The following PTPN4 variants were observed in gnomAD, a reference collection of about 807,000 sequenced individuals.
The protein encoded by PTPN4 is tyrosine-protein phosphatase non-receptor type 4.
In PTPN4, 49 loss-of-function variants were observed where a neutral mutation model predicts 135.5. That is an observed-to-expected ratio of 0.36 (90% confidence interval 0.29 to 0.46). The LOEUF is 0.46. Ranked by LOEUF, PTPN4 falls within the 20% of genes least tolerant of loss-of-function variation. The probability of loss-of-function intolerance (pLI) is 1.00; values close to 1 mark genes in which losing one functional copy is unlikely to be tolerated. For missense variants in PTPN4, 860 were observed against 1,101.0 expected, an observed-to-expected ratio of 0.78 and a Z score of 3.10; for synonymous variants, 333 against 369.9, an observed-to-expected ratio of 0.90 and a Z score of 1.14.
intron 24 of PTPN4, among the ~76,000 whole-genome samples, chr2:119,963,368 G>A (rs1679396809): frequency 6.6e-6 from 1 of 152,192 alleles, no homozygotes; most frequent in Admixed American, 6.5e-5. Context: ...TGCCAGTTCT[G>A]TCAGGCTGCT....
chr2:119,831,811 G>T (rs1417224890), intron 2 of PTPN4, among the ~76,000 whole-genome samples: 1 of 152,046 alleles, frequency 6.6e-6, no homozygotes, highest in Non-Finnish European at 1.5e-5. Flanking sequence ...CAATATTTGA[G>T]TCCTGGTTGA....
intron 14 of PTPN4, 144 bp downstream of exon 14, chr2:119,932,693 A>G (rs1298029418): frequency 1.0e-6 from 1 of 998,424 alleles, no homozygotes; most frequent in African/African-American, 1.6e-5. Flanking sequence ...CCAGAGCATT[A>G]TTTTCTCTTT....
chr2:119,887,144 A>G (rs535252961), intron 9 of PTPN4, among the ~76,000 whole-genome samples: 1 of 152,272 alleles, frequency 6.6e-6, no homozygotes, highest in Admixed American at 6.5e-5. Context: ...TTTTATTATA[A>G]TAAAGTTTAA....
chr2:119,935,712 A>G (rs1158742473), intron 15 of PTPN4, among the ~76,000 whole-genome samples: 1 of 152,210 alleles, frequency 6.6e-6, no homozygotes, highest in African/African-American at 2.4e-5. Context: ...ATATTTTATT[A>G]CTTTAGAAGT....
chr2:119,846,946 A>G (rs1471736868), intron 2 of PTPN4, among the ~76,000 whole-genome samples: 3 of 151,232 alleles, frequency 2.0e-5, no homozygotes, highest in Non-Finnish European at 4.4e-5. Context: ...CCAAAAATAT[A>G]TTCTGTAAAA....
At chr2:119,964,354 C>T (rs1203863362) in intron 24 of PTPN4, among the ~76,000 whole-genome samples, 5 of 152,192 alleles carry the variant, frequency 3.3e-5, no homozygotes, top group African/African-American at 9.7e-5. Context: ...TGTATCTAAA[C>T]GCAATACTCT....
At chr2:119,947,441 CAG>C (rs1679151714) in intron 18 of PTPN4, among the ~76,000 whole-genome samples, 1 of 152,002 alleles carries the variant, frequency 6.6e-6, no homozygotes, top group Admixed American at 6.6e-5. Flanking sequence ...GCGAAAATAA[CAG>C]GGTACTCATG....
intron 1 of PTPN4, among the ~76,000 whole-genome samples, chr2:119,804,279 AT>A (rs941233859): frequency 3.0e-4 from 44 of 147,570 alleles, no homozygotes; most frequent in Admixed American, 6.8e-4. Context: ...TGCTCAGCTA[AT>A]TTTTTTTTTT....
At chr2:119,807,968 C>G (rs1204374095) in intron 1 of PTPN4, among the ~76,000 whole-genome samples, 2 of 152,158 alleles carry the variant, frequency 1.3e-5, no homozygotes, top group Admixed American at 1.3e-4. Context: ...GAAGCAATGA[C>G]AAAAACCACA....
chr2:119,886,856 T>A (rs1007337539), intron 9 of PTPN4, among the ~76,000 whole-genome samples: 1 of 152,200 alleles, frequency 6.6e-6, no homozygotes, highest in Non-Finnish European at 1.5e-5. Context: ...TGTCAATCTT[T>A]CCTTTAAAAG....
At chr2:119,832,594 A>G (rs1032417879) in intron 2 of PTPN4, among the ~76,000 whole-genome samples, 8 of 152,110 alleles carry the variant, frequency 5.3e-5, no homozygotes, top group African/African-American at 1.9e-4. Context: ...TGAAATAAGA[A>G]TCAACTTTTT....
chr2:119,815,607 G>A (rs1223390652), intron 2 of PTPN4, among the ~76,000 whole-genome samples: 1 of 152,026 alleles, frequency 6.6e-6, no homozygotes, highest in Non-Finnish European at 1.5e-5. Context: ...TTTGTAAAAA[G>A]TAAAGAGAAA....
chr2:119,905,920 C>G (rs1336258482), intron 10 of PTPN4, among the ~76,000 whole-genome samples: 1 of 151,882 alleles, frequency 6.6e-6, no homozygotes, highest in African/African-American at 2.4e-5. Flanking sequence ...ACAAAAACAG[C>G]AACATAACAT....
At chr2:119,890,110 A>G (rs962754952) in intron 9 of PTPN4, among the ~76,000 whole-genome samples, 5 of 152,084 alleles carry the variant, frequency 3.3e-5, no homozygotes, top group African/African-American at 1.2e-4. Context: ...GTGAGGTGTT[A>G]GTCCCCTACT....
chr2:119,843,872 G>A (rs1486933648), intron 2 of PTPN4, among the ~76,000 whole-genome samples: 1 of 536 alleles, frequency 1.9e-3, no homozygotes, highest in Admixed American at 0.017. Flanking sequence ...CAGTAGGGGC[G>A]GCCGGGCAGA....
intron 1 of PTPN4, among the ~76,000 whole-genome samples, chr2:119,767,174 C>T (rs1024015197): frequency 6.6e-6 from 1 of 152,158 alleles, no homozygotes; most frequent in Non-Finnish European, 1.5e-5. Context: ...CCAGATGCCC[C>T]AAGTGGTCAC....
intron 2 of PTPN4, among the ~76,000 whole-genome samples, chr2:119,820,423 A>G (rs1351700021): frequency 1.3e-5 from 2 of 152,208 alleles, no homozygotes; most frequent in East Asian, 3.9e-4. Flanking sequence ...TAGTTATCAC[A>G]TAAGGAAGCT....
chr2:119,940,438 C>T (rs1487481012), intron 15 of PTPN4, among the ~76,000 whole-genome samples: 2 of 152,124 alleles, frequency 1.3e-5, no homozygotes. Context: ...TTCTCTTGAT[C>T]TACATCTTAG....
intron 3 of PTPN4, among the ~76,000 whole-genome samples, chr2:119,874,789 A>G (rs1047514090): frequency 5.9e-5 from 9 of 152,190 alleles, no homozygotes; most frequent in Non-Finnish European, 1.3e-4. Context: ...GTCTCACTAA[A>G]AATAATAAAA....
Sources: allele counts gnomAD v4.1 joint callset (sites outside exome capture counted in the v4.1 genomes callset), GRCh38; gene constraint gnomAD v4.1.1; transcripts MANE v1.5; gene names NCBI Gene and HGNC (gene_info 2026-07-23, HGNC 2026-07-21).